The following FABP5 variants were observed in gnomAD, a reference collection of about 807,000 sequenced individuals.
The protein encoded by FABP5 is fatty acid binding protein 5.
Under a neutral mutation model 16.9 loss-of-function variants are expected in FABP5, and 7 were observed. The ratio of observed to expected loss-of-function variants is 0.41; its 90% CI spans 0.24 to 0.78. The LOEUF is 0.78. Among genes scored for constraint, FABP5 ranks in the 30% least tolerant of loss-of-function variants. The probability of loss-of-function intolerance (pLI) is 0.30; values close to 1 mark genes in which losing one functional copy is unlikely to be tolerated. For synonymous variants in FABP5, 37 were observed against 52.8 expected (o/e 0.70, Z 1.30); for missense variants, 119 against 159.5 (o/e 0.75, Z 1.37).
In FABP5 at chr8:81,280,688, C is replaced by A. The variant is rs980135135; in HGVS notation, c.79+14C>A. On this transcript the variant is annotated intron_variant, in intron 1 of 3. Coordinates refer to ENST00000297258, the MANE Select transcript of FABP5 (RefSeq NM_001444.3). The stretch of plus-strand genomic sequence containing the variant: ...TGAAGGAGCTAGGTGAGGCACCCGG[C>A]CTGGCAGCGCCTGCAACGTGGCGTG... The A allele has an allele frequency of 4.5e-6, 7 of 1,551,404 alleles. No individual in the cohort carries two copies. The highest frequency in any genetic ancestry group is 6.1e-6 in the Non-Finnish European group (7 of 1,145,936).
chr8:81,282,761 T>G (rs1255272106), intron 1 of FABP5, among the ~76,000 whole-genome samples: 4 of 152,236 alleles, frequency 2.6e-5, no homozygotes, highest in Admixed American at 6.5e-5. Flanking sequence ...TAAAAGATTG[T>G]GCTATTTGAA....
At chr8:81,282,548 T>C (rs1807847719) in intron 1 of FABP5, among the ~76,000 whole-genome samples, 2 of 152,208 alleles carry the variant, frequency 1.3e-5, no homozygotes, top group South Asian at 2.1e-4. Context: ...AGATTCCTTA[T>C]ACATGTTAAC....
chr8:81,280,993 C>G, intron 1 of FABP5: 1 of 302,362 alleles, frequency 3.3e-6, no homozygotes, highest in Non-Finnish European at 6.2e-6. Context: ...GCTTCCTGTC[C>G]TTTAGCGCGC....
chr8:81,284,060 G>T (rs1807875336), intron 3 of FABP5, 86 bp downstream of exon 3: 1 of 1,029,616 alleles, frequency 9.7e-7, no homozygotes, highest in African/African-American at 1.6e-5. Flanking sequence ...ATCATTAACA[G>T]AACTCAGTTT....
At chr8:81,284,028 A>T in intron 3 of FABP5, 54 bp downstream of exon 3, 1 of 1,304,162 alleles carries the variant, frequency 7.7e-7, no homozygotes, top group South Asian at 1.2e-5. Context: ...TTCATAGTTC[A>T]CATAACTGTT....
At chr8:81,282,384 C>T (rs561213217) in intron 1 of FABP5, among the ~76,000 whole-genome samples, 2 of 152,244 alleles carry the variant, frequency 1.3e-5, no homozygotes, top group South Asian at 4.1e-4. Context: ...TACATAATGA[C>T]TCAATTAACA....
Position 81,283,869 on chromosome 8 carries a change from G to A in FABP5, c.253-4G>A, listed in dbSNP as rs1270518420. 3.7e-6 allele frequency: 6 copies of A among 1,608,560 alleles called. No individual in the cohort carries two copies. The highest frequency in any genetic ancestry group is 3.4e-6 in the Non-Finnish European group (4 of 1,177,076). On this transcript the variant is annotated splice_polypyrimidine_tract_variant and splice_region_variant and intron_variant, in intron 2 of 3. Transcript: ENST00000297258. ...AGATTAAAACGTTTACTTTGTTTTT[G>A]CAGACTGTCTGCAACTTTACAGATG...
At position 81,281,221 on chromosome 8, in the gene FABP5, C is replaced by T. The variant is rs1807825624; in HGVS notation, c.79+547C>T. On this transcript the variant is annotated intron_variant, in intron 1 of 3. Coordinates refer to ENST00000297258, the MANE Select transcript of FABP5 (RefSeq NM_001444.3). The surrounding 1 kb of genome is among the most constrained non-coding windows in gnomAD (Gnocchi z 4.5). Reference sequence around the variant, plus strand: ...CCGTTTTCTTCATGGGGACGCGGTGCTGGCGCGCAGTTTCCCGCAGAAATC... The same window carrying T: ...CCGTTTTCTTCATGGGGACGCGGTGTTGGCGCGCAGTTTCCCGCAGAAATC... The T allele has an allele frequency of 1.9e-6, 1 of 520,718 alleles. No homozygotes were observed. Among genetic ancestry groups the T allele is most frequent in the Non-Finnish European group, 2.5e-6 (1 of 404,876 alleles). The allele number at this position is 520,718 out of a possible 1,614,324, so 32.3% of individuals were successfully genotyped here.
intron 3 of FABP5, 135 bp from the exon 4 acceptor site, chr8:81,284,379 A>G: frequency 1.6e-6 from 1 of 623,840 alleles, no homozygotes; most frequent in Non-Finnish European, 2.8e-6. Flanking sequence ...AAACCCGTGA[A>G]TTCTGAAAGA....
At chr8:81,284,478 C>G (rs765098652) in intron 3 of FABP5, 36 bp from the exon 4 acceptor site, 2 of 1,459,360 alleles carry the variant, frequency 1.4e-6, no homozygotes, top group South Asian at 2.3e-5. Flanking sequence ...GAATCTAAGG[C>G]TAACCTAACT....
chr8:81,283,482 T>C lies in FABP5; in HGVS notation c.196T>C (p.Ser66Pro), dbSNP rs1421625271. Residue 66 changes from serine (S) to proline (P), a missense_variant, in exon 2 of 4, where the codon TCT (serine) becomes CCT (proline). Coordinates refer to ENST00000297258, the MANE Select transcript of FABP5 (RefSeq NM_001444.3). ...GAGCACTTTGAAAACAACACAGTTT[T>C]CTTGTACCCTGGGAGAGAAGTTTGA... ...TESTLKTTQF[S>P]CTLGEKFEET... 1 of 1,613,500 alleles carries C rather than the reference T, an allele frequency of 6.2e-7. No homozygotes were observed. The highest frequency in any genetic ancestry group is 8.5e-7 in the Non-Finnish European group (1 of 1,179,818).
intron 1 of FABP5, chr8:81,280,988 C>T: frequency 3.0e-6 from 1 of 329,354 alleles, no homozygotes; most frequent in South Asian, 4.0e-5. Context: ...GCATTGCTTC[C>T]TGTCCTTTAG....
At position 81,283,933 on chromosome 8, in the gene FABP5, A is replaced by G; in HGVS notation, c.313A>G (p.Ser105Gly). 1 of 1,612,416 alleles carries G rather than the reference A, an allele frequency of 6.2e-7. No homozygotes were observed. Among genetic ancestry groups the G allele is most frequent in the Non-Finnish European group, 8.5e-7 (1 of 1,179,234 alleles). ...VQHQEWDGKE[S>G]TITRKLKDGK... ...GCATCAGGAGTGGGATGGGAAGGAA[A>G]GCACAATAACAAGAAAATTGAAAGA... Residue 105 changes from serine (S) to glycine (G), a missense_variant, in exon 3 of 4, where the codon AGC becomes GGC. Transcript: ENST00000297258.
At chr8:81,280,801 T>C in intron 1 of FABP5, 127 bp downstream of exon 1, 1 of 825,422 alleles carries the variant, frequency 1.2e-6, no homozygotes, top group Admixed American at 2.3e-5. Flanking sequence ...TCCCCTCCCA[T>C]CTTCCCCACC....
intron 3 of FABP5, 112 bp from the exon 4 acceptor site, chr8:81,284,402 C>A: frequency 1.4e-6 from 1 of 696,802 alleles, no homozygotes; most frequent in Non-Finnish European, 2.5e-6. Flanking sequence ...TTTTCTCCAT[C>A]TATGAAGTAG....
At chr8:81,282,144 A>C (rs1199362824) in intron 1 of FABP5, among the ~76,000 whole-genome samples, 1 of 149,384 alleles carries the variant, frequency 6.7e-6, no homozygotes, top group Non-Finnish European at 1.5e-5. Context: ...AAAGCGATTT[A>C]CTGCACCTGT....
chr8:81,281,436 GCGC>G lies in FABP5; in HGVS notation c.79+766_79+768del. On this transcript the variant is annotated intron_variant, in intron 1 of 3. Coordinates refer to ENST00000297258, the MANE Select transcript of FABP5 (RefSeq NM_001444.3). The surrounding 1 kb of genome is among the most constrained non-coding windows in gnomAD (Gnocchi z 4.5). ...CTGCTGCTGGCACTGCCGGGCCGGGGCGCCGCAGTGGGCGGGTGGCCTGTGGGA... is the reference window on the plus strand; with the variant it reads ...CTGCTGCTGGCACTGCCGGGCCGGGGCGCAGTGGGCGGGTGGCCTGTGGGA... 1 of 986,222 alleles carries G rather than the reference GCGC, an allele frequency of 1.0e-6. No individual in the cohort carries two copies. The highest frequency in any genetic ancestry group is 1.2e-6 in the Non-Finnish European group (1 of 830,642). The allele number at this position is 986,222 out of a possible 1,614,324, so 61.1% of individuals were successfully genotyped here.
At chr8:81,280,847 C>T in intron 1 of FABP5, 173 bp downstream of exon 1, 1 of 606,840 alleles carries the variant, frequency 1.6e-6, no homozygotes, top group Non-Finnish European at 2.9e-6. Flanking sequence ...CAGCACCACG[C>T]GGGCAGGCGG....
intron 1 of FABP5, 144 bp from the exon 2 acceptor site, chr8:81,283,222 G>T (rs113175527): frequency 2.6e-5 from 17 of 663,834 alleles, no homozygotes; most frequent in Admixed American, 2.1e-4. Flanking sequence ...GGCTCATACC[G>T]TGGGATATAT....
Sources: gnomAD v4.1 joint callset for allele counts (sites outside exome capture counted in the v4.1 genomes callset) on GRCh38, gnomAD v4.1.1 for gene constraint, Gnocchi (gnomAD v3.1) non-coding constraint, MANE v1.5 for transcripts, NCBI Gene and HGNC (gene_info 2026-07-23, HGNC 2026-07-21) for gene names.